The following IRAG1 variants were observed in gnomAD, a reference collection of about 807,000 sequenced individuals.
IRAG1 encodes the protein IP3R-associated cGMP kinase substrate.
Under a neutral mutation model 106.2 loss-of-function variants are expected in IRAG1, and 62 were observed. The ratio of observed to expected loss-of-function variants is 0.58; its 90% CI spans 0.48 to 0.72. IRAG1 has a LOEUF of 0.72. Ranked by LOEUF, IRAG1 falls within the 30% of genes least tolerant of loss-of-function variation. The pLI, the probability that IRAG1 is intolerant of heterozygous loss-of-function variation, is 0.00. For missense variants in IRAG1, 1,064 were observed against 1,140.7 expected, an observed-to-expected ratio of 0.93 and a Z score of 0.97; for synonymous variants, 462 against 443.9, an observed-to-expected ratio of 1.04 and a Z score of -0.51.
intron 7 of IRAG1, 55 bp downstream of exon 7, chr11:10,627,918 A>T: frequency 6.3e-7 from 1 of 1,580,108 alleles, no homozygotes; most frequent in Non-Finnish European, 8.6e-7. Flanking sequence ...TGTTCGGGGT[A>T]AGGGGAGAGA....
At chr11:10,669,075 C>T (rs1430135069) in intron 1 of IRAG1, among the ~76,000 whole-genome samples, 1 of 152,220 alleles carries the variant, frequency 6.6e-6, no homozygotes, top group African/African-American at 2.4e-5. Flanking sequence ...AATGGATGGT[C>T]TAATGGTCCC....
chr11:10,643,042 G>A (rs1857639242), intron 2 of IRAG1, among the ~76,000 whole-genome samples: 1 of 152,084 alleles, frequency 6.6e-6, no homozygotes, highest in African/African-American at 2.4e-5. Context: ...GGGCATGGTG[G>A]CGGGCACCTG....
In IRAG1 at chr11:10,593,578, T is replaced by C; in HGVS notation, c.2089A>G (p.Ser697Gly). The C allele has an allele frequency of 6.2e-7, 1 of 1,613,780 alleles. No homozygotes were observed. The highest frequency in any genetic ancestry group is 8.5e-7 in the Non-Finnish European group (1 of 1,179,752). The change falls in exon 17 of 21, where the codon AGC becomes GGC. Residue 697 changes from serine to glycine, a missense_variant. By Grantham distance (56) the Ser-to-Gly change is moderately conservative. Transcript: ENST00000423302. ...TTAAACTTAGGAACCACAGCAACGCTGACCCTCCGGCGAGGCATATTCTGC... is the reference window on the plus strand; with the variant it reads ...TTAAACTTAGGAACCACAGCAACGCCGACCCTCCGGCGAGGCATATTCTGC... ...LGKNMPRRRV[S>G]VAVVPKFNAL...
rs1256372897 is a variant in IRAG1, at chr11:10,693,752, T to C, written c.-150A>G. The C allele has an allele frequency of 2.1e-5, 20 of 930,678 alleles. No homozygotes were observed. The highest frequency in any genetic ancestry group is 5.3e-5 in the Admixed American group (2 of 37,956). 57.7% of individuals were successfully genotyped at this position (930,678 alleles called of 1,614,324 possible). On this transcript the variant is annotated 5_prime_UTR_variant, in exon 1 of 21. Coordinates refer to ENST00000423302, the MANE Select transcript of IRAG1 (RefSeq NM_130385.4). ...CACTCCGGCCTGGCTCGGGGGATAATGGCAGGGAAAGCCGACCAGCTGGCC... is the reference window on the plus strand; with the variant it reads ...CACTCCGGCCTGGCTCGGGGGATAACGGCAGGGAAAGCCGACCAGCTGGCC...
intron 15 of IRAG1, among the ~76,000 whole-genome samples, chr11:10,600,385 T>G (rs1013224833): frequency 6.6e-6 from 1 of 152,250 alleles, no homozygotes; most frequent in African/African-American, 2.4e-5. Context: ...CCTGGACTGT[T>G]GCAAGAACAT....
At chr11:10,676,170 A>G (rs145248328) in intron 1 of IRAG1, among the ~76,000 whole-genome samples, 9 of 152,352 alleles carry the variant, frequency 5.9e-5, no homozygotes, top group Non-Finnish European at 1.0e-4. Flanking sequence ...CCTCCCTAAG[A>G]GATTCCAGAA....
intron 9 of IRAG1, 58 bp downstream of exon 9, chr11:10,625,908 T>C: frequency 7.3e-7 from 1 of 1,361,172 alleles, no homozygotes; most frequent in Non-Finnish European, 9.5e-7. Context: ...CCCTGAGGTC[T>C]TCAGCCCAGG....
intron 10 of IRAG1, among the ~76,000 whole-genome samples, chr11:10,610,538 GC>G (rs1854861439): frequency 6.6e-6 from 1 of 152,258 alleles, no homozygotes; most frequent in East Asian, 1.9e-4. Context: ...CAGCTCCTGT[GC>G]CTCTCTAAAG....
At chr11:10,683,372 A>C (rs866352898) in intron 1 of IRAG1, among the ~76,000 whole-genome samples, 15 of 152,172 alleles carry the variant, frequency 9.9e-5, no homozygotes, top group African/African-American at 2.4e-4. Context: ...AAAAAAAAAA[A>C]AAAAGTACAA....
At chr11:10,631,929 C>T in intron 4 of IRAG1, 62 bp downstream of exon 4, 2 of 1,446,684 alleles carry the variant, frequency 1.4e-6, no homozygotes, top group Non-Finnish European at 1.9e-6. Flanking sequence ...AGGAGTCAAG[C>T]CCAGCCACGC....
chr11:10,645,887 G>A (rs1857900921), intron 2 of IRAG1, among the ~76,000 whole-genome samples: 1 of 152,162 alleles, frequency 6.6e-6, no homozygotes, highest in Non-Finnish European at 1.5e-5. Flanking sequence ...ATGAGATAAT[G>A]TAACATATAA....
At chr11:10,580,400 T>C (rs193211167) in intron 20 of IRAG1, 55 bp downstream of exon 20, 33 of 1,578,948 alleles carry the variant, frequency 2.1e-5, no homozygotes, top group Non-Finnish European at 2.3e-5. Flanking sequence ...TTAAATTAGA[T>C]GAATTGTAAC....
intron 10 of IRAG1, chr11:10,617,138 T>C: frequency 1.0e-6 from 1 of 985,434 alleles, no homozygotes; most frequent in Non-Finnish European, 1.2e-6. Flanking sequence ...TGTACTTCTC[T>C]GCCTCAGCCT....
rs375099328 is a variant in IRAG1 at position 10,621,877 on chromosome 11, A to T, written c.1447+1901T>A. Among the ~76,000 whole-genome samples, 14 of 152,300 alleles carry T rather than the reference A, an allele frequency of 9.2e-5. No homozygotes were observed. In the East Asian group the frequency reaches 2.1e-3, roughly 23 times the overall value. ...AAAAGGACAGATACTGTATGATTCC[A>T]TTTCTAGGAGGGATCTAGAAGAGTC... On this transcript the variant is annotated intron_variant, in intron 10 of 20. Transcript: ENST00000423302.
intron 1 of IRAG1, chr11:10,690,469 C>A: frequency 8.0e-7 from 1 of 1,250,316 alleles, no homozygotes; most frequent in Non-Finnish European, 1.0e-6. Context: ...TGTCCAGGGT[C>A]ATGGGCGTGA....
intron 1 of IRAG1, 35 bp from the exon 2 acceptor site, chr11:10,652,217 T>C: frequency 6.2e-7 from 1 of 1,608,954 alleles, no homozygotes; most frequent in Non-Finnish European, 8.5e-7. Context: ...TCAAATCCAT[T>C]CCCATCCCTG....
rs1850730039 is a variant in IRAG1 at position 10,574,644 on chromosome 11, GAGA to G, written c.*1685_*1687del. ...GTCGAGAAGAGTGACCTGAAGAAAA[GAGA>G]AGAACAGCTGGAAAAAAAACTAGTG... On this transcript the variant is annotated 3_prime_UTR_variant, in exon 21 of 21. Coordinates refer to ENST00000423302, the MANE Select transcript of IRAG1 (RefSeq NM_130385.4). The G allele has an allele frequency of 6.6e-6, 1 of 152,208 alleles. No homozygotes were observed. The highest frequency in any genetic ancestry group is 1.5e-5 in the Non-Finnish European group (1 of 68,072). 9.4% of individuals were successfully genotyped at this position (152,208 alleles called of 1,614,324 possible). A position where few individuals can be genotyped will look rare whatever the true frequency, so the allele number is the denominator to read the frequency against.
intron 10 of IRAG1, chr11:10,617,151 G>A (rs1310387678): frequency 2.2e-5 from 22 of 985,246 alleles, no homozygotes; most frequent in Non-Finnish European, 2.5e-5. Flanking sequence ...CTCAGCCTAC[G>A]TGTCCCTCAA....
At chr11:10,677,241 C>T (rs1041103125) in intron 1 of IRAG1, among the ~76,000 whole-genome samples, 5 of 152,230 alleles carry the variant, frequency 3.3e-5, no homozygotes, top group African/African-American at 1.2e-4. Flanking sequence ...ACCTACCTGC[C>T]AGATCCACAA....
Sources: gnomAD v4.1 joint callset for allele counts (sites outside exome capture counted in the v4.1 genomes callset) on GRCh38, gnomAD v4.1.1 for gene constraint, MANE v1.5 for transcripts, NCBI Gene and HGNC (gene_info 2026-07-23, HGNC 2026-07-21) for gene names.